Variants in CCDC3 observed in about 807,000 individuals in gnomAD.
CCDC3 encodes the protein coiled-coil domain containing 3.
A neutral mutation model predicts 21.4 loss-of-function variants in CCDC3; 24 were observed. The observed-to-expected ratio is 1.12, with a 90% CI of 0.81 to 1.58. The LOEUF (loss-of-function observed/expected upper bound fraction) is 1.58. Among genes scored for constraint, CCDC3 ranks in the 40% most tolerant of loss-of-function variants. The pLI, the probability that CCDC3 is intolerant of heterozygous loss-of-function variation, is 0.00. For missense variants in CCDC3, 425 were observed against 360.9 expected, an observed-to-expected ratio of 1.18 and a Z score of -1.44; for synonymous variants, 186 against 166.0, an observed-to-expected ratio of 1.12 and a Z score of -0.93.
chr10:13,034,274 T>G (rs573371764), intron 5 of CCDC3, among the ~76,000 whole-genome samples: 1 of 135,520 alleles, frequency 7.4e-6, no homozygotes, highest in East Asian at 2.2e-4. Flanking sequence ...TTCTCACTCA[T>G]AGGTGGGAAT....
At chr10:13,098,579 C>A (rs1832663315) in exon 3 of CCDC3, 1 of 152,142 alleles carries the variant, frequency 6.6e-6, no homozygotes, top group Admixed American at 6.5e-5. Flanking sequence ...TCCCAGGGTA[C>A]AGCTGTGACA....
intron 3 of CCDC3, among the ~76,000 whole-genome samples, chr10:13,097,936 T>A (rs956325862): frequency 6.6e-6 from 1 of 152,208 alleles, no homozygotes; most frequent in South Asian, 2.1e-4. Context: ...TAGCTTTCCA[T>A]CAGTTGGGTC....
intron 5 of CCDC3, among the ~76,000 whole-genome samples, chr10:13,019,678 T>A (rs1218496664): frequency 6.6e-6 from 1 of 152,222 alleles, no homozygotes; most frequent in Non-Finnish European, 1.5e-5. Context: ...TTTAAAAATA[T>A]GTTTTTCAAG....
At chr10:13,030,342 C>T (rs1836283573) in intron 5 of CCDC3, among the ~76,000 whole-genome samples, 2 of 152,166 alleles carry the variant, frequency 1.3e-5, no homozygotes, top group Admixed American at 1.3e-4. Flanking sequence ...CTGAAGGAAA[C>T]ACTAAACATG....
At chr10:13,019,058 C>T (rs1019600378) in intron 5 of CCDC3, among the ~76,000 whole-genome samples, 10 of 152,054 alleles carry the variant, frequency 6.6e-5, no homozygotes, top group African/African-American at 1.7e-4. Context: ...ACGGTGAAAC[C>T]CCGTCTCTAC....
chr10:13,083,024 C>A (rs1238670415), intron 3 of CCDC3, among the ~76,000 whole-genome samples: 1 of 152,186 alleles, frequency 6.6e-6, no homozygotes, highest in Non-Finnish European at 1.5e-5. Flanking sequence ...GCTGCCCACA[C>A]AGCCTCCATC....
chr10:12,928,173 C>T (rs1834576104), intron 2 of CCDC3, among the ~76,000 whole-genome samples: 1 of 152,142 alleles, frequency 6.6e-6, no homozygotes, highest in African/African-American at 2.4e-5. Context: ...CCAACTGTGG[C>T]TCAAGGCATC....
At chr10:13,056,272 G>A (rs753150582) in intron 4 of CCDC3, among the ~76,000 whole-genome samples, 1 of 152,160 alleles carries the variant, frequency 6.6e-6, no homozygotes, top group Admixed American at 6.5e-5. Flanking sequence ...AGCTAGTGGA[G>A]GGCAAAGAGC....
rs890214016 is a variant in CCDC3 at position 12,912,309 on chromosome 10, A to G, written c.550-13630T>C. Among the ~76,000 whole-genome samples, 9 of 152,328 alleles carry G rather than the reference A, an allele frequency of 5.9e-5. No homozygotes were observed. The South Asian group carries it at 1.0e-3, about 18-fold the overall frequency. ...ACACTTATCTTTTGTCTTTTTGGTA[A>G]TAGCCCTTCTAACGGGTGTGAGATG... On this transcript the variant is annotated intron_variant, in intron 2 of 2. Coordinates refer to ENST00000378825, the MANE Select transcript of CCDC3 (RefSeq NM_031455.4).
intron 2 of CCDC3, among the ~76,000 whole-genome samples, chr10:12,976,870 G>C (rs1329614557): frequency 6.6e-6 from 1 of 152,186 alleles, no homozygotes. Flanking sequence ...TAATGTGTCA[G>C]TGTAAATTTA....
At chr10:12,917,067 G>A (rs1834368420) in intron 2 of CCDC3, among the ~76,000 whole-genome samples, 1 of 151,678 alleles carries the variant, frequency 6.6e-6, no homozygotes, top group Admixed American at 6.6e-5. Context: ...TAGGTCTGAG[G>A]CGAAGTCCAG....
At chr10:13,014,633 T>C (rs1836028384) in intron 5 of CCDC3, among the ~76,000 whole-genome samples, 3 of 152,014 alleles carry the variant, frequency 2.0e-5, no homozygotes, top group Non-Finnish European at 4.4e-5. Flanking sequence ...GCTATTTCCA[T>C]TTCTATGCCC....
At chr10:12,967,714 G>A (rs7922130) in intron 2 of CCDC3, among the ~76,000 whole-genome samples, 12,895 of 152,002 alleles carry the variant, frequency 0.085, 795 homozygotes, top group African/African-American at 0.17. Context: ...GGAATTAAGG[G>A]AAAAAAACAT....
chr10:13,022,441 C>T (rs1042636865), intron 5 of CCDC3, among the ~76,000 whole-genome samples: 28 of 152,204 alleles, frequency 1.8e-4, no homozygotes, highest in African/African-American at 6.5e-4. Flanking sequence ...CATGCTTCAA[C>T]TCAGCATTTA....
rs558375190 is a variant in CCDC3, at chr10:12,924,351, G to A, written c.550-25672C>T. Among the ~76,000 whole-genome samples the A allele has an allele frequency of 1.4e-4, 22 of 152,336 alleles. No individual in the cohort carries two copies. The East Asian group carries it at 3.9e-3, about 27-fold the overall frequency. On this transcript the variant is annotated intron_variant, in intron 2 of 2. Coordinates refer to ENST00000378825, the MANE Select transcript of CCDC3 (RefSeq NM_031455.4). ...TGGCAACCGCTTTTGAGCAGAAATG[G>A]GCTCATTATGTTTTAGGAAATTGTG... is the stretch of plus-strand genomic sequence containing the variant.
At chr10:13,038,990 G>A (rs1417761104) in intron 5 of CCDC3, among the ~76,000 whole-genome samples, 2 of 152,164 alleles carry the variant, frequency 1.3e-5, no homozygotes, top group African/African-American at 4.8e-5. Flanking sequence ...GGGGTCCCTG[G>A]AGTAGATAAT....
chr10:12,997,802 A>G (rs1835785158), intron 2 of CCDC3, among the ~76,000 whole-genome samples: 1 of 152,220 alleles, frequency 6.6e-6, no homozygotes. Flanking sequence ...TATTTAAATC[A>G]TATTGCATTA....
chr10:12,934,337 G>T (rs1051875974), intron 2 of CCDC3, among the ~76,000 whole-genome samples: 3 of 151,386 alleles, frequency 2.0e-5, no homozygotes, highest in Non-Finnish European at 4.4e-5. Context: ...TATTCTTTTT[G>T]ATTTTTTAAG....
chr10:13,063,800 G>C (rs1170065105), intron 4 of CCDC3, among the ~76,000 whole-genome samples: 4 of 152,124 alleles, frequency 2.6e-5, no homozygotes, highest in African/African-American at 9.7e-5. Context: ...TGCAAGTTCT[G>C]GGATGAGGTA....
Sources: allele counts gnomAD v4.1 joint callset (sites outside exome capture counted in the v4.1 genomes callset), GRCh38; gene constraint gnomAD v4.1.1; transcripts MANE v1.5; gene names NCBI Gene and HGNC (gene_info 2026-07-23, HGNC 2026-07-21).